The following UGT2A2 variants were observed in gnomAD, a reference collection of about 807,000 sequenced individuals.
The protein encoded by UGT2A2 is UDP glucuronosyltransferase family 2 member A2, also known as UDP-glucuronosyltransferase 2A2.
UGT2A2 carries 60 observed loss-of-function variants against 50.7 expected under a neutral mutation model. The ratio of observed to expected loss-of-function variants is 1.18; its 90% CI spans 0.96 to 1.47. The LOEUF (loss-of-function observed/expected upper bound fraction) is 1.47. Among genes scored for constraint, UGT2A2 ranks in the 40% most tolerant of loss-of-function variants. The pLI is 0.00. For missense variants in UGT2A2, 762 were observed against 634.0 expected, an observed-to-expected ratio of 1.20 and a Z score of -2.17; for synonymous variants, 242 against 214.6, an observed-to-expected ratio of 1.13 and a Z score of -1.11.
chr4:69,594,720 G>A (rs760123662), intron 4 of UGT2A2, 24 bp from the exon 5 acceptor site: 4 of 1,602,514 alleles, frequency 2.5e-6, no homozygotes, highest in South Asian at 1.1e-5. Flanking sequence ...GGAGTGAGAA[G>A]TGGGTGTGTA....
At chr4:69,596,428 A>G (rs778637157) in intron 2 of UGT2A2, 47 bp from the exon 3 acceptor site, 3 of 1,432,034 alleles carry the variant, frequency 2.1e-6, no homozygotes, top group Non-Finnish European at 2.8e-6. Flanking sequence ...GCATCATAAG[A>G]AAAAATAAGT....
chr4:69,621,314 C>T (rs1720741825), intron 1 of UGT2A2, among the ~76,000 whole-genome samples: 2 of 151,734 alleles, frequency 1.3e-5, no homozygotes, highest in South Asian at 2.1e-4. Context: ...AAGAAACAAC[C>T]TCATTAAAAA....
rs181872950 is a variant in UGT2A2, at chr4:69,594,481, G to C, written c.1327C>G (p.Pro443Ala). ...LSALRTVINE[P>A]SYKENAMRLS... ...TTTAGGAGCCTTAGTACTTACGAAGGTTCATTAATGACTGTTCTCAAAGCG... is the reference window on the plus strand; with the variant it reads ...TTTAGGAGCCTTAGTACTTACGAAGCTTCATTAATGACTGTTCTCAAAGCG... Residue 443 changes from proline (P) to alanine (A), a missense_variant, in exon 5 of 6, where the codon CCT (proline) becomes GCT (alanine). Pro to Ala is a conservative substitution (Grantham distance 27). Transcript: ENST00000604629. 1.2e-6 allele frequency: 2 copies of C among 1,613,938 alleles called. No individual in the cohort carries two copies. The highest frequency in any genetic ancestry group is 3.3e-5 in the Admixed American group (2 of 59,970).
chr4:69,589,557 G>A lies in UGT2A2; in HGVS notation c.1426C>T (p.Arg476Cys), dbSNP rs767856867. 2.9e-5 allele frequency: 46 copies of A among 1,613,920 alleles called. No individual in the cohort carries two copies. The highest frequency in any genetic ancestry group is 2.2e-4 in the East Asian group (10 of 44,888). Residue 476 changes from arginine (R) to cysteine (C), a missense_variant, in exon 6 of 6, where the codon CGC (arginine) becomes TGC (cysteine). By Grantham distance (180) the Arg-to-Cys change is radical. Transcript: ENST00000604629. ...RAVFWIEFVM[R>C]HKGAKHLRVA... ...CGAAGGTGCTTGGCTCCTTTGTGGC[G>A]CATGACAAACTCGATCCAGAAGACT...
intron 1 of UGT2A2, among the ~76,000 whole-genome samples, chr4:69,634,885 T>C (rs1393074958): frequency 2.0e-5 from 3 of 152,160 alleles, no homozygotes; most frequent in Admixed American, 2.0e-4. Flanking sequence ...CTCATTTTTA[T>C]CTTATATTGT....
chr4:69,612,996 T>A (rs1393921514), intron 1 of UGT2A2, among the ~76,000 whole-genome samples: 1 of 149,348 alleles, frequency 6.7e-6, no homozygotes, highest in Non-Finnish European at 1.5e-5. Flanking sequence ...AAAGGTCTAA[T>A]ATCCAGATTA....
intron 1 of UGT2A2, among the ~76,000 whole-genome samples, chr4:69,624,221 TA>T (rs1222604174): frequency 6.6e-6 from 1 of 151,550 alleles, no homozygotes; most frequent in African/African-American, 2.4e-5. Context: ...CACCTTTACT[TA>T]TAAAATGACC....
At chr4:69,595,078 A>G (rs971973920) in intron 4 of UGT2A2, 84 bp downstream of exon 4, 23 of 1,499,732 alleles carry the variant, frequency 1.5e-5, no homozygotes, top group Admixed American at 3.6e-5. Context: ...ATTATTAAAA[A>G]TGTATTGAAT....
At chr4:69,593,866 C>T (rs1560465988) in intron 5 of UGT2A2, among the ~76,000 whole-genome samples, 1 of 150,364 alleles carries the variant, frequency 6.7e-6, no homozygotes, top group Non-Finnish European at 1.5e-5. Context: ...TACATACTTA[C>T]TAATTAGTTT....
At chr4:69,618,151 G>C (rs1339252399) in intron 1 of UGT2A2, among the ~76,000 whole-genome samples, 52 of 151,140 alleles carry the variant, frequency 3.4e-4, no homozygotes, top group African/African-American at 1.3e-3. Context: ...AATTCTATGA[G>C]AAAATATTAT....
chr4:69,605,992 G>A lies in UGT2A2; in HGVS notation c.743-6598C>T, dbSNP rs1291072009. Among the ~76,000 whole-genome samples, 17 of 136,586 alleles carry A rather than the reference G, an allele frequency of 1.2e-4. 5 individuals carry two copies. Among genetic ancestry groups the A allele is most frequent in the African/African-American group, 4.8e-4 (16 of 33,674 alleles). 89.6% of individuals were successfully genotyped at this position (136,586 alleles called of 152,430 possible). A position where few individuals can be genotyped will look rare whatever the true frequency, so the allele number is the denominator to read the frequency against. ...GATTCACAGCTGAATTCTACCAGAA[G>A]TACAAGGAGGAGCTGGTACCATTCC... On this transcript the variant is annotated intron_variant, in intron 1 of 5. Coordinates refer to ENST00000604629, the MANE Select transcript of UGT2A2 (RefSeq NM_001105677.2).
At chr4:69,602,280 C>A (rs1241543661) in intron 1 of UGT2A2, among the ~76,000 whole-genome samples, 2 of 136,404 alleles carry the variant, frequency 1.5e-5, no homozygotes, top group Non-Finnish European at 3.1e-5. Context: ...TTTCTTTACA[C>A]CAACAAAGGC....
chr4:69,604,856 A>C (rs553614427), intron 1 of UGT2A2, among the ~76,000 whole-genome samples: 2 of 137,266 alleles, frequency 1.5e-5, no homozygotes, highest in Non-Finnish European at 3.1e-5. Flanking sequence ...GGATCAATTC[A>C]ACAAGAAGAG....
intron 1 of UGT2A2, among the ~76,000 whole-genome samples, chr4:69,608,676 A>T (rs993998749): frequency 2.0e-5 from 3 of 152,170 alleles, no homozygotes; most frequent in East Asian, 1.9e-4. Context: ...TGCAAAATAC[A>T]CACAAAAAAT....
intron 5 of UGT2A2, among the ~76,000 whole-genome samples, chr4:69,591,813 T>C (rs954702008): frequency 6.6e-6 from 1 of 152,148 alleles, no homozygotes; most frequent in African/African-American, 2.4e-5. Context: ...TGATAATTAA[T>C]AAAATGAACA....
At chr4:69,637,997 C>CAGGA (rs200856756) in intron 1 of UGT2A2, among the ~76,000 whole-genome samples, 1,464 of 133,070 alleles carry the variant, frequency 0.011, 22 homozygotes, top group African/African-American at 0.038. Context: ...GGAAGGCAGG[C>CAGGA]AGGAAGGAAG....
intron 5 of UGT2A2, among the ~76,000 whole-genome samples, chr4:69,590,603 C>T (rs531270362): frequency 2.6e-5 from 4 of 151,646 alleles, no homozygotes; most frequent in Admixed American, 2.6e-4. Context: ...CATGGTACAA[C>T]TAGATTCAGC....
intron 1 of UGT2A2, among the ~76,000 whole-genome samples, chr4:69,635,979 T>C (rs1395155824): frequency 1.3e-5 from 2 of 152,056 alleles, no homozygotes; most frequent in African/African-American, 2.4e-5. Flanking sequence ...ATTCCTGATA[T>C]CCCTGTTCCC....
chr4:69,592,393 A>G (rs1466503385), intron 5 of UGT2A2, among the ~76,000 whole-genome samples: 1 of 152,236 alleles, frequency 6.6e-6, no homozygotes, highest in Non-Finnish European at 1.5e-5. Flanking sequence ...TGAAAAATAA[A>G]TGAGAAACTA....
Sources: allele counts gnomAD v4.1 joint callset (sites outside exome capture counted in the v4.1 genomes callset), GRCh38; gene constraint gnomAD v4.1.1; transcripts MANE v1.5; gene names NCBI Gene and HGNC (gene_info 2026-07-23, HGNC 2026-07-21).